WDPCP: variants seen among roughly 807,000 people sequenced by gnomAD.
WDPCP encodes WD repeat-containing and planar cell polarity effector protein fritz homolog.
A neutral mutation model predicts 93.1 loss-of-function variants in WDPCP; 71 were observed. That is an observed-to-expected ratio of 0.76 (90% CI 0.63 to 0.93). The LOEUF (loss-of-function observed/expected upper bound fraction) is 0.93, where lower values mean the gene tolerates loss of function less well. Among genes scored for constraint, WDPCP ranks in the 40% least tolerant of loss-of-function variants. The pLI, the probability that WDPCP is intolerant of heterozygous loss-of-function variation, is 0.00. For missense variants in WDPCP, 844 were observed against 887.4 expected (o/e 0.95, Z 0.62); for synonymous variants, 315 against 315.0 (o/e 1.00, Z 0.00).
intron 6 of WDPCP, chr2:63,441,973 C>T (rs1489875789): frequency 1.3e-5 from 2 of 152,048 alleles, no homozygotes; most frequent in African/African-American, 2.4e-5. Flanking sequence ...TAATAAAGTG[C>T]TGTTACCAGT....
At chr2:63,686,837 T>A (rs13431016) in intron 2 of WDPCP, among the ~76,000 whole-genome samples, 294 of 150,428 alleles carry the variant, frequency 2.0e-3, no homozygotes, top group African/African-American at 6.8e-3. Flanking sequence ...GGACAGTCTT[T>A]TCAATGAATA....
At chr2:63,638,865 A>G (rs1273976586) in intron 3 of WDPCP, among the ~76,000 whole-genome samples, 1 of 152,108 alleles carries the variant, frequency 6.6e-6, no homozygotes, top group Non-Finnish European at 1.5e-5. Context: ...TAATGTTGAC[A>G]CACCTCTAGG....
intron 1 of WDPCP, among the ~76,000 whole-genome samples, chr2:63,526,043 T>C (rs915464019): frequency 2.0e-5 from 3 of 150,514 alleles, no homozygotes; most frequent in Non-Finnish European, 2.9e-5. Context: ...ACTTCTGTTG[T>C]TGCTGTTGCT....
At chr2:63,490,576 A>G (rs1366276139) in intron 2 of WDPCP, among the ~76,000 whole-genome samples, 1 of 152,238 alleles carries the variant, frequency 6.6e-6, no homozygotes, top group Admixed American at 6.5e-5. Context: ...ATAAAAGGTT[A>G]AATAGAAGAA....
chr2:63,785,983 G>C (rs1670462478), intron 2 of WDPCP, among the ~76,000 whole-genome samples: 1 of 152,110 alleles, frequency 6.6e-6, no homozygotes. Flanking sequence ...TTAAAAAAGA[G>C]TTATGTGTTT....
chr2:63,417,368 T>C (rs1466419865), intron 9 of WDPCP, among the ~76,000 whole-genome samples: 1 of 152,182 alleles, frequency 6.6e-6, no homozygotes, highest in East Asian at 1.9e-4. Context: ...AGTAGCTCAA[T>C]AAAACACTAT....
chr2:63,541,879 A>G (rs972883731), intron 1 of WDPCP, among the ~76,000 whole-genome samples: 1 of 152,186 alleles, frequency 6.6e-6, no homozygotes, highest in Non-Finnish European at 1.5e-5. Flanking sequence ...ACCCAACATA[A>G]GGCCTTCACA....
rs150626196 is a variant in WDPCP at position 63,379,014 on chromosome 2, A to G, written c.1625-505T>C. Reference sequence around the variant, plus strand: ...TTTTAAGACAACCGTGAAAGTCCCTATATCTTCCCTAAGTCCTGCCCTAAA... The same window carrying G: ...TTTTAAGACAACCGTGAAAGTCCCTGTATCTTCCCTAAGTCCTGCCCTAAA... On this transcript the variant is annotated intron_variant, in intron 11 of 17. Transcript: ENST00000272321. Among the ~76,000 whole-genome samples, 655 of 152,256 alleles carry G rather than the reference A, an allele frequency of 4.3e-3. 35 individuals carry two copies. The South Asian group carries it at 0.091, about 21-fold the overall frequency.
chr2:63,435,910 GTAAT>G (rs1364197920), intron 8 of WDPCP, among the ~76,000 whole-genome samples: 1 of 152,032 alleles, frequency 6.6e-6, no homozygotes, highest in Non-Finnish European at 1.5e-5. Flanking sequence ...AAGCAAGTAA[GTAAT>G]TCCCTTACTT....
intron 1 of WDPCP, among the ~76,000 whole-genome samples, chr2:63,504,206 A>G (rs375778042): frequency 9.9e-5 from 15 of 152,016 alleles, no homozygotes; most frequent in South Asian, 2.1e-4. Context: ...GAAGCTAAAG[A>G]ACCCTCCTAA....
chr2:63,400,268 T>C (rs1694045349), intron 10 of WDPCP, among the ~76,000 whole-genome samples: 2 of 152,092 alleles, frequency 1.3e-5, no homozygotes, highest in East Asian at 3.9e-4. Flanking sequence ...AGTCTCTTGG[T>C]TGATACATAA....
At chr2:63,526,330 T>C (rs150149355) in intron 1 of WDPCP, among the ~76,000 whole-genome samples, 2 of 152,308 alleles carry the variant, frequency 1.3e-5, no homozygotes, top group African/African-American at 4.8e-5. Context: ...TTTCGTGTTG[T>C]CCAACACTAT....
intron 1 of WDPCP, among the ~76,000 whole-genome samples, chr2:63,574,857 T>C (rs1707801621): frequency 1.3e-5 from 2 of 152,192 alleles, no homozygotes; most frequent in South Asian, 4.1e-4. Flanking sequence ...AATTATGTCC[T>C]GTAAAATGGA....
intron 12 of WDPCP, among the ~76,000 whole-genome samples, chr2:63,347,341 T>C (rs902393430): frequency 3.9e-5 from 6 of 152,206 alleles, no homozygotes; most frequent in Admixed American, 2.6e-4. Flanking sequence ...GATACAATAT[T>C]TGGGACATAC....
intron 1 of WDPCP, among the ~76,000 whole-genome samples, chr2:63,500,443 A>G (rs1243765597): frequency 1.1e-5 from 1 of 90,500 alleles, no homozygotes; most frequent in African/African-American, 5.2e-5. Context: ...TGAAAGAGAA[A>G]ATGGTGTGGG....
intron 2 of WDPCP, among the ~76,000 whole-genome samples, chr2:63,665,455 T>C (rs910042325): frequency 1.3e-5 from 2 of 152,204 alleles, no homozygotes; most frequent in Admixed American, 1.3e-4. Flanking sequence ...AGGACACCAG[T>C]CATATTGATA....
chr2:63,826,294 G>T (rs1344669520), intron 1 of WDPCP, among the ~76,000 whole-genome samples: 2 of 151,832 alleles, frequency 1.3e-5, no homozygotes, highest in Non-Finnish European at 2.9e-5. Flanking sequence ...CAGAATCAGG[G>T]TTCAAGAGTA....
chr2:63,568,348 A>G (rs1707226442), intron 1 of WDPCP, among the ~76,000 whole-genome samples: 1 of 53,256 alleles, frequency 1.9e-5, no homozygotes, highest in Non-Finnish European at 3.0e-5. Context: ...ATTCCTAAAA[A>G]AAAAAACAAA....
intron 1 of WDPCP, among the ~76,000 whole-genome samples, chr2:63,534,950 A>G (rs1217458145): frequency 6.6e-6 from 1 of 152,234 alleles, no homozygotes; most frequent in Non-Finnish European, 1.5e-5. Context: ...ACGATTGTAT[A>G]TTTAGAAAAC....
Sources: allele counts gnomAD v4.1 joint callset (sites outside exome capture counted in the v4.1 genomes callset), GRCh38; gene constraint gnomAD v4.1.1; transcripts MANE v1.5; gene names NCBI Gene and HGNC (gene_info 2026-07-23, HGNC 2026-07-21).